Variants in CADM2 observed in about 807,000 individuals in gnomAD.
CADM2 encodes cell adhesion molecule 2.
CADM2 carries 12 observed loss-of-function variants against 49.8 expected under a neutral mutation model. The observed-to-expected ratio is 0.24, with a 90% CI of 0.15 to 0.39. CADM2 has a LOEUF of 0.39. Among genes scored for constraint, CADM2 ranks in the 10% least tolerant of loss-of-function variants. The pLI is 1.00. For synonymous variants in CADM2, 214 were observed against 175.4 expected, an observed-to-expected ratio of 1.22 and a Z score of -1.74; for missense variants, 378 against 492.3, an observed-to-expected ratio of 0.77 and a Z score of 2.20.
At chr3:85,193,460 C>T (rs1019787243) in intron 1 of CADM2, among the ~76,000 whole-genome samples, 20 of 152,110 alleles carry the variant, frequency 1.3e-4, no homozygotes, top group Admixed American at 1.3e-3. Context: ...TATCTAAAAT[C>T]TGCTCTCTTT....
At chr3:86,016,926 T>G (rs1293533194) in intron 8 of CADM2, among the ~76,000 whole-genome samples, 1 of 152,078 alleles carries the variant, frequency 6.6e-6, no homozygotes, top group Non-Finnish European at 1.5e-5. Flanking sequence ...TTTCACTGAT[T>G]TTTTTAAAAA....
intron 1 of CADM2, among the ~76,000 whole-genome samples, chr3:85,521,370 A>G (rs940673395): frequency 6.6e-6 from 1 of 152,106 alleles, no homozygotes; most frequent in Non-Finnish European, 1.5e-5. Flanking sequence ...TAAGCTAACT[A>G]TGTTTTTACA....
At chr3:86,055,648 G>A (rs1402604589) in intron 8 of CADM2, among the ~76,000 whole-genome samples, 1 of 151,556 alleles carries the variant, frequency 6.6e-6, no homozygotes, top group Non-Finnish European at 1.5e-5. Context: ...TTATTTTAGG[G>A]CACTAATTCC....
At chr3:85,954,272 G>T (rs1164106258) in intron 7 of CADM2, among the ~76,000 whole-genome samples, 1 of 150,892 alleles carries the variant, frequency 6.6e-6, no homozygotes, top group East Asian at 1.9e-4. Flanking sequence ...CATATATGTG[G>T]AATGCTATTT....
chr3:85,985,217 A>T (rs1727945505), intron 8 of CADM2, among the ~76,000 whole-genome samples: 1 of 151,624 alleles, frequency 6.6e-6, no homozygotes, highest in South Asian at 2.1e-4. Context: ...AGGGCCCATT[A>T]CTCATAGATG....
intron 1 of CADM2, among the ~76,000 whole-genome samples, chr3:85,340,389 T>A (rs541170517): frequency 6.6e-6 from 1 of 151,644 alleles, no homozygotes; most frequent in Non-Finnish European, 1.5e-5. Flanking sequence ...AACATTAGTC[T>A]TTTCCTGTAG....
At chr3:85,456,269 A>T (rs2107579166) in intron 1 of CADM2, among the ~76,000 whole-genome samples, 1 of 152,326 alleles carries the variant, frequency 6.6e-6, no homozygotes, top group Non-Finnish European at 1.5e-5. Flanking sequence ...TGAGATTGAT[A>T]GTCTATCTGG....
chr3:85,147,155 G>T (rs906309981), intron 1 of CADM2, among the ~76,000 whole-genome samples: 2 of 151,652 alleles, frequency 1.3e-5, no homozygotes, highest in Non-Finnish European at 2.9e-5. Flanking sequence ...GGCGCCTGTA[G>T]TCCCAGCTAC....
intron 1 of CADM2, among the ~76,000 whole-genome samples, chr3:85,647,629 G>A (rs1474206986): frequency 6.6e-6 from 1 of 151,574 alleles, no homozygotes; most frequent in Non-Finnish European, 1.5e-5. Context: ...TTGACTTTTA[G>A]AAAAATTCAT....
chr3:85,608,262 T>A (rs188712196), intron 1 of CADM2, among the ~76,000 whole-genome samples: 28 of 152,288 alleles, frequency 1.8e-4, no homozygotes, highest in African/African-American at 6.7e-4. Flanking sequence ...GTATTATATT[T>A]TCAACTAATA....
intron 2 of CADM2, among the ~76,000 whole-genome samples, chr3:85,732,969 A>G (rs2067994432): frequency 6.6e-6 from 1 of 152,230 alleles, no homozygotes; most frequent in Admixed American, 6.5e-5. Context: ...ATTTACATAT[A>G]TACCACCCAC....
chr3:85,624,964 G>A (rs1196427275), intron 1 of CADM2, among the ~76,000 whole-genome samples: 1 of 151,980 alleles, frequency 6.6e-6, no homozygotes, highest in Non-Finnish European at 1.5e-5. Context: ...GATAGATGTG[G>A]GTTCAAATAC....
intron 1 of CADM2, among the ~76,000 whole-genome samples, chr3:85,656,044 C>A (rs1473328713): frequency 6.6e-6 from 1 of 151,828 alleles, no homozygotes; most frequent in Non-Finnish European, 1.5e-5. Flanking sequence ...CCTGTCACAT[C>A]TTAGAGCATT....
intron 1 of CADM2, among the ~76,000 whole-genome samples, chr3:85,091,460 A>G (rs976069279): frequency 1.3e-5 from 2 of 152,216 alleles, no homozygotes; most frequent in African/African-American, 4.8e-5. Context: ...CGTGTAGAAA[A>G]CATTTCAAAT....
At chr3:85,443,445 C>T (rs2037302836) in intron 1 of CADM2, among the ~76,000 whole-genome samples, 1 of 152,136 alleles carries the variant, frequency 6.6e-6, no homozygotes, top group East Asian at 1.9e-4. Flanking sequence ...CATCCGTTAA[C>T]AGCCAAACTA....
chr3:86,062,766 G>A (rs1027317069), intron 8 of CADM2, among the ~76,000 whole-genome samples: 1 of 151,986 alleles, frequency 6.6e-6, no homozygotes, highest in African/African-American at 2.4e-5. Flanking sequence ...CTGAACTCCA[G>A]CCTGGGCAAA....
At chr3:85,713,657 G>A (rs1357981698) in intron 1 of CADM2, among the ~76,000 whole-genome samples, 2 of 152,018 alleles carry the variant, frequency 1.3e-5, no homozygotes, top group Admixed American at 6.6e-5. Context: ...TGTCACTTGC[G>A]TCTATATGTC....
At chr3:85,535,987 T>C (rs1025214455) in intron 1 of CADM2, among the ~76,000 whole-genome samples, 1 of 152,100 alleles carries the variant, frequency 6.6e-6, no homozygotes, top group African/African-American at 2.4e-5. Flanking sequence ...AGAATAAAAC[T>C]TTGGGAGTCT....
At chr3:85,904,519 A>G (rs1483807148) in intron 5 of CADM2, among the ~76,000 whole-genome samples, 3 of 152,218 alleles carry the variant, frequency 2.0e-5, no homozygotes, top group Admixed American at 6.5e-5. Context: ...TCATGGTTCA[A>G]ATACCATAGA....
Sources: allele counts gnomAD v4.1 joint callset (sites outside exome capture counted in the v4.1 genomes callset), GRCh38; gene constraint gnomAD v4.1.1; transcripts MANE v1.5; gene names NCBI Gene and HGNC (gene_info 2026-07-23, HGNC 2026-07-21).